The following ITGAE variants were observed in gnomAD, a reference collection of about 807,000 sequenced individuals.
ITGAE encodes integrin subunit alpha E.
A neutral mutation model predicts 136.5 loss-of-function variants in ITGAE; 99 were observed. The ratio of observed to expected loss-of-function variants is 0.73; its 90% CI spans 0.62 to 0.86. The LOEUF is 0.86. Ranked by LOEUF, ITGAE falls within the 40% of genes least tolerant of loss-of-function variation. The pLI is 0.00. For missense variants in ITGAE, 1,447 were observed against 1,515.3 expected (o/e 0.95, Z 0.75); for synonymous variants, 613 against 591.8 (o/e 1.04, Z -0.52).
chr17:3,753,921 G>A lies in ITGAE; in HGVS notation c.1389C>T (p.Tyr463=), dbSNP rs1218389208. 8 of 1,613,772 alleles carry A rather than the reference G, an allele frequency of 5.0e-6. No homozygotes were observed. Among genetic ancestry groups the A allele is most frequent in the East Asian group, 2.2e-5 (1 of 44,874 alleles). Residue 463 remains tyrosine (Y), a synonymous_variant, in exon 13 of 31, where the codon TAC becomes TAT. Transcript: ENST00000263087. ...AGGTCTTGTGCAGCACGGCCACAGC[G>A]TAACCTGGGGCAAGGGTGGTGTGGC... ...AEAAQYSYLG[Y]AVAVLHKTCS... is the part of the protein sequence containing the mutation.
rs1380931645 is a variant in ITGAE at position 3,751,762 on chromosome 17, T to C, written c.1781A>G (p.Asp594Gly). The change falls in exon 15 of 31, where the codon GAT (aspartate) becomes GGT (glycine). Residue 594 changes from aspartate to glycine, a missense_variant. Asp to Gly is a moderately conservative substitution (Grantham distance 94, BLOSUM62 -1). Transcript: ENST00000263087. ...TTCCAGGGGGGCCCCGATGGCCACA[T>C]CTGTGAGCTTATCCTGACTGAGATC... ...MGDLSQDKLT[D>G]VAIGAPLEGF... is the part of the protein sequence containing the mutation. 1.9e-6 allele frequency: 3 copies of C among 1,614,064 alleles called. No individual in the cohort carries two copies. The highest frequency in any genetic ancestry group is 1.7e-6 in the Non-Finnish European group (2 of 1,179,980).
Position 3,728,141 on chromosome 17 carries a change from G to C in ITGAE, c.2940C>G (p.Gly980=). ...ATTCTTTGTGGTGAGAAAGCCCCTG[G>C]CCTGTGTTCACGTACATTATGGATG... ...SKPSIMYVNT[G]QGLSHHKEFL... Residue 980 remains glycine, a synonymous_variant, in exon 25 of 31, where the codon GGC becomes GGG. Coordinates refer to ENST00000263087, the MANE Select transcript of ITGAE (RefSeq NM_002208.5). 1.2e-6 allele frequency: 2 copies of C among 1,613,356 alleles called. No individual in the cohort carries two copies. The highest frequency in any genetic ancestry group is 1.7e-6 in the Non-Finnish European group (2 of 1,179,302).
intron 6 of ITGAE, 143 bp from the exon 7 acceptor site, chr17:3,760,430 CTTTTTTTTTTTTTTTTTTT>C (rs1208333239): frequency 4.7e-5 from 3 of 64,212 alleles, no homozygotes; most frequent in Non-Finnish European, 8.3e-5. Flanking sequence ...AAGAGGGAAG[CTTTTTTTTTTTTTTTTTTT>C]TTTTTTTTGA....
chr17:3,757,489 C>T (rs891547673), intron 9 of ITGAE, among the ~76,000 whole-genome samples: 2 of 152,194 alleles, frequency 1.3e-5, no homozygotes, highest in Non-Finnish European at 2.9e-5. Context: ...GGTGTGTTTC[C>T]TGTGGCTCTC....
intron 16 of ITGAE, among the ~76,000 whole-genome samples, chr17:3,749,191 CAG>C (rs2051797004): frequency 6.8e-6 from 1 of 146,446 alleles, no homozygotes; most frequent in Non-Finnish European, 1.5e-5. Flanking sequence ...TTTGCTGAGA[CAG>C]AAAGCCTGAG....
Position 3,725,022 on chromosome 17 carries a change from G to C in ITGAE, c.3085-1278C>G, listed in dbSNP as rs370474111. The C allele has an allele frequency of 3.1e-6, 5 of 1,614,182 alleles. No individual in the cohort carries two copies. The East Asian group carries it at 1.1e-4, about 36-fold the overall frequency. ...CCGCTTTAAAAAGGGCCAAAAGCTG[G>C]GAAAAGATTCGTTCCCCACCCAGGA... is the stretch of plus-strand genomic sequence containing the variant. On this transcript the variant is annotated intron_variant, in intron 26 of 30. Coordinates refer to ENST00000263087, the MANE Select transcript of ITGAE (RefSeq NM_002208.5).
intron 1 of ITGAE, among the ~76,000 whole-genome samples, chr17:3,780,050 C>T (rs931707072): frequency 4.6e-5 from 7 of 151,786 alleles, no homozygotes; most frequent in South Asian, 2.1e-4. Context: ...CTCGGCTCAC[C>T]GCAACCTCTG....
intron 1 of ITGAE, among the ~76,000 whole-genome samples, chr17:3,793,107 A>C (rs1334225417): frequency 6.7e-6 from 1 of 150,212 alleles, no homozygotes; most frequent in Non-Finnish European, 1.5e-5. Context: ...GCTGGAATGC[A>C]GTGGCACAAC....
chr17:3,762,056 G>T (rs1010722516), intron 3 of ITGAE, 74 bp from the exon 4 acceptor site: 3 of 1,282,408 alleles, frequency 2.3e-6, no homozygotes, highest in Non-Finnish European at 3.4e-6. Context: ...AGGTCAGAGG[G>T]CACAGAGCCA....
intron 2 of ITGAE, among the ~76,000 whole-genome samples, chr17:3,766,774 C>CA (rs1414981316): frequency 8.7e-5 from 13 of 149,506 alleles, no homozygotes; most frequent in African/African-American, 3.2e-4. Flanking sequence ...TGCACTCCAG[C>CA]CTGGGTGAAA....
chr17:3,800,219 C>T (rs2053218409), intron 1 of ITGAE, among the ~76,000 whole-genome samples: 1 of 152,226 alleles, frequency 6.6e-6, no homozygotes, highest in South Asian at 2.1e-4. Flanking sequence ...CCTGGGTGAT[C>T]TGGCCCCAGG....
chr17:3,778,639 GA>G (rs1487330475), intron 1 of ITGAE, among the ~76,000 whole-genome samples: 1 of 152,066 alleles, frequency 6.6e-6, no homozygotes, highest in Non-Finnish European at 1.5e-5. Flanking sequence ...ATTTATGTGT[GA>G]TTTTTTTTAT....
chr17:3,722,064 A>G (rs1466791646), intron 28 of ITGAE, among the ~76,000 whole-genome samples: 1 of 152,150 alleles, frequency 6.6e-6, no homozygotes, highest in African/African-American at 2.4e-5. Context: ...CTGTAATCCC[A>G]GCTACTTGGG....
chr17:3,755,243 C>T lies in ITGAE; in HGVS notation c.1258G>A (p.Ala420Thr), dbSNP rs2051992384. Reference sequence around the variant, plus strand: ...CCGGACCAGTCAAAGGCCCCGACGGCGCCGAGCAGCACCTGCCGCTGAAGG... The same window carrying T: ...CCGGACCAGTCAAAGGCCCCGACGGTGCCGAGCAGCACCTGCCGCTGAAGG... ...ILDERQVLLG[A>T]VGAFDWSGGA... The change falls in exon 12 of 31, where the codon GCC becomes ACC. Residue 420 changes from alanine to threonine, a missense_variant. Around this residue, in one of 3 missense-constraint regions of ITGAE, gnomAD observed 1,031 missense variants for 1,011.4 expected, o/e 1.02. Coordinates refer to ENST00000263087, the MANE Select transcript of ITGAE (RefSeq NM_002208.5). 1 of 1,576,306 alleles carries T rather than the reference C, an allele frequency of 6.3e-7. No homozygotes were observed. The highest frequency in any genetic ancestry group is 1.3e-5 in the African/African-American group (1 of 74,546).
intron 9 of ITGAE, among the ~76,000 whole-genome samples, chr17:3,757,458 G>A (rs1330710951): frequency 1.3e-5 from 2 of 152,226 alleles, no homozygotes; most frequent in South Asian, 2.1e-4. Flanking sequence ...TTGGCACCGC[G>A]GTCCTCCAGG....
rs1431461166 is a variant in ITGAE, at chr17:3,751,660, C to G, written c.1883G>C (p.Ser628Thr). The G allele has an allele frequency of 6.2e-7, 1 of 1,613,804 alleles. No homozygotes were observed. The highest frequency in any genetic ancestry group is 1.7e-4 in the Middle Eastern group (1 of 6,054). ...YNGHWDGLSA[S>T]PSQRIRASTV... ...GGCCCCATGGGTCACCTGCGAGGGG[C>G]TGGCGGAGAGGCCGTCCCAGTGTCC... The change falls in exon 15 of 31, where the codon AGC becomes ACC. Residue 628 changes from serine to threonine, a missense_variant. Around this residue, in one of 3 missense-constraint regions of ITGAE, gnomAD observed 1,031 missense variants for 1,011.4 expected, o/e 1.02. Coordinates refer to ENST00000263087, the MANE Select transcript of ITGAE (RefSeq NM_002208.5).
chr17:3,732,627 C>G (rs992077407), intron 21 of ITGAE, among the ~76,000 whole-genome samples, 161 bp from the exon 22 acceptor site: 1 of 152,234 alleles, frequency 6.6e-6, no homozygotes, highest in East Asian at 1.9e-4. Flanking sequence ...CTGTCTTCCT[C>G]ACAAGCCGGA....
intron 26 of ITGAE, chr17:3,724,320 C>A: frequency 6.3e-7 from 1 of 1,587,338 alleles, no homozygotes; most frequent in Non-Finnish European, 8.5e-7. Context: ...GTGCAGCACA[C>A]CCTGCGGCCC....
rs1352687735 is a variant in ITGAE at position 3,714,670 on chromosome 17, A to T, written c.*177T>A. ...ATTTATTTAATACCAAATGTTTCCT[A>T]AGTTTACTTTTTGCACAATGCACAG... is the stretch of plus-strand genomic sequence containing the variant. On this transcript the variant is annotated 3_prime_UTR_variant, in exon 31 of 31. Coordinates refer to ENST00000263087, the MANE Select transcript of ITGAE (RefSeq NM_002208.5). 3 of 454,054 alleles carry T rather than the reference A, an allele frequency of 6.6e-6. No individual in the cohort carries two copies. Among genetic ancestry groups the T allele is most frequent in the African/African-American group, 6.0e-5 (3 of 49,620 alleles). 28.1% of individuals were successfully genotyped at this position (454,054 alleles called of 1,614,324 possible). A position where few individuals can be genotyped will look rare whatever the true frequency, so the allele number is the denominator to read the frequency against.
Sources: allele counts gnomAD v4.1 joint callset (sites outside exome capture counted in the v4.1 genomes callset), GRCh38; gene constraint gnomAD v4.1.1; regional missense constraint gnomAD v4.1.1; transcripts MANE v1.5; gene names NCBI Gene and HGNC (gene_info 2026-07-23, HGNC 2026-07-21).